C9orf72: variants seen among roughly 807,000 people sequenced by gnomAD.
C9orf72 encodes the protein C9orf72-SMCR8 complex subunit, also known as guanine nucleotide exchange factor C9orf72.
A neutral mutation model predicts 51.6 loss-of-function variants in C9orf72; 44 were observed. The ratio of observed to expected loss-of-function variants is 0.85; its 90% confidence interval spans 0.67 to 1.10. C9orf72 has a LOEUF of 1.10. C9orf72 is among the 50% of genes least tolerant of loss of function. C9orf72 has a pLI of 0.00. For synonymous variants in C9orf72, 213 were observed against 194.2 expected (o/e 1.10, Z -0.81); for missense variants, 607 against 570.6 (o/e 1.06, Z -0.65).
chr9:27,558,850 T>C (rs1414855141), intron 6 of C9orf72: 1 of 361,828 alleles, frequency 2.8e-6, no homozygotes, highest in Non-Finnish European at 5.0e-6. Flanking sequence ...CCTTTAACAT[T>C]TGGCTACATA....
intron 8 of C9orf72, among the ~76,000 whole-genome samples, chr9:27,553,438 T>C (rs1015567080): frequency 1.8e-4 from 28 of 151,950 alleles, no homozygotes; most frequent in African/African-American, 6.5e-4. Flanking sequence ...TTCAACAAAG[T>C]TGACAAAAAA....
intron 3 of C9orf72, 94 bp downstream of exon 3, chr9:27,565,437 C>T (rs1048622805): frequency 6.9e-6 from 5 of 729,470 alleles, no homozygotes; most frequent in East Asian, 2.6e-5. Flanking sequence ...AAGGCTTATT[C>T]GTATGTCTCC....
At chr9:27,571,722 C>T (rs1819590202) in intron 1 of C9orf72, among the ~76,000 whole-genome samples, 1 of 152,204 alleles carries the variant, frequency 6.6e-6, no homozygotes, top group Non-Finnish European at 1.5e-5. Context: ...AAAGCTCTGG[C>T]ATTACAGGTG....
At chr9:27,563,518 T>G (rs1819398754) in intron 3 of C9orf72, among the ~76,000 whole-genome samples, 1 of 152,360 alleles carries the variant, frequency 6.6e-6, no homozygotes, top group East Asian at 1.9e-4. Flanking sequence ...AAGATGAATT[T>G]AATACTAGTT....
chr9:27,565,167 C>T (rs1036187315), intron 3 of C9orf72, among the ~76,000 whole-genome samples: 18 of 152,090 alleles, frequency 1.2e-4, no homozygotes, highest in Admixed American at 3.9e-4. Flanking sequence ...GGTACATATG[C>T]TCTCCTTCTG....
rs1486327319 is a variant in C9orf72, at chr9:27,546,702, A to AT, written c.*1533dup. 2.0e-5 allele frequency: 3 copies of AT among 152,240 alleles called. No individual in the cohort carries two copies. The highest frequency in any genetic ancestry group is 4.4e-5 in the Non-Finnish European group (3 of 68,030). 9.4% of individuals were successfully genotyped at this position (152,240 alleles called of 1,614,324 possible). Reference sequence around the variant, plus strand: ...AAGAAAATAACCAGTTAGCACTTAAATAAGAATCTACCATGTAAAAAACAC... The same window carrying AT: ...AAGAAAATAACCAGTTAGCACTTAAATTAAGAATCTACCATGTAAAAAACAC... On this transcript the variant is annotated 3_prime_UTR_variant, in exon 11 of 11. Coordinates refer to ENST00000380003, the MANE Select transcript of C9orf72 (RefSeq NM_018325.5).
At chr9:27,573,711 C>T (rs886063846), upstream of C9orf72, 2 of 152,340 alleles carry the variant, frequency 1.3e-5, no homozygotes, top group African/African-American at 4.8e-5. Flanking sequence ...ACACACACCT[C>T]CTAAACCCAC....
intron 8 of C9orf72, 30 bp downstream of exon 8, chr9:27,556,531 T>C: frequency 1.4e-6 from 2 of 1,414,898 alleles, no homozygotes; most frequent in Non-Finnish European, 2.0e-6. Context: ...ATTGCTTGAC[T>C]ACAGTACCAG....
chr9:27,566,153 T>C (rs1490215615), intron 2 of C9orf72, among the ~76,000 whole-genome samples: 1 of 152,160 alleles, frequency 6.6e-6, no homozygotes, highest in Admixed American at 6.6e-5. Context: ...GCATTATATA[T>C]TCAACTACAG....
At chr9:27,557,564 CT>C (rs563497549) in intron 7 of C9orf72, among the ~76,000 whole-genome samples, 78 of 152,164 alleles carry the variant, frequency 5.1e-4, no homozygotes, top group African/African-American at 1.7e-3. Context: ...CTCTAGGCAT[CT>C]GGTATAGGTC....
In C9orf72 at chr9:27,558,518, T is replaced by C; in HGVS notation, c.828A>G (p.Ser276=). The C allele has an allele frequency of 1.2e-6, 2 of 1,603,014 alleles. No homozygotes were observed. Among genetic ancestry groups the C allele is most frequent in the African/African-American group, 1.3e-5 (1 of 74,688 alleles). The part of the protein sequence containing the change: ...CEAESSFKYE[S]GLFVQGLLKD... ...TTAGCAGGCCTTGTACAAAGAGCCC[T>C]GACTCATATTTAAATGATGATTCTG... Residue 276 remains serine, a synonymous_variant, in exon 7 of 11, where the codon TCA becomes TCG. Coordinates refer to ENST00000380003, the MANE Select transcript of C9orf72 (RefSeq NM_018325.5).
intron 5 of C9orf72, chr9:27,560,546 G>T: frequency 1.5e-6 from 1 of 678,312 alleles, no homozygotes; most frequent in Admixed American, 5.0e-5. Context: ...TTTAATTAAT[G>T]TATTTATTTA....
intron 1 of C9orf72, among the ~76,000 whole-genome samples, chr9:27,570,307 A>C (rs2131548717): frequency 6.6e-6 from 1 of 152,360 alleles, no homozygotes; most frequent in African/African-American, 2.4e-5. Flanking sequence ...ACTGGAGGCC[A>C]ACATAATGAA....
intron 6 of C9orf72, chr9:27,559,781 T>A (rs561268995): frequency 6.6e-6 from 1 of 152,396 alleles, no homozygotes; most frequent in African/African-American, 2.4e-5. Context: ...AGTATAATAA[T>A]CAATGACCAC....
intron 6 of C9orf72, chr9:27,559,616 C>T (rs1391166179): frequency 2.0e-5 from 3 of 152,082 alleles, no homozygotes; most frequent in Non-Finnish European, 2.9e-5. Flanking sequence ...GAAAGATACA[C>T]ATACTTATCT....
chr9:27,562,472 T>G lies in C9orf72; in HGVS notation c.509A>C (p.Gln170Pro). The change falls in exon 4 of 11, where the codon CAG becomes CCG. Residue 170 changes from glutamine (Q) to proline (P), a missense_variant. Transcript: ENST00000380003. ...EGTERMEDQG[Q>P]SIIPMLTGEV... is the part of the protein sequence containing the mutation. Reference sequence around the variant, plus strand: ...TCCAGTAAGCATTGGAATAATACTCTGACCCTGCACAATAAAGTGACATGA... The same window carrying G: ...TCCAGTAAGCATTGGAATAATACTCGGACCCTGCACAATAAAGTGACATGA... 6.5e-7 allele frequency: 1 copy of G among 1,544,644 alleles called. No individual in the cohort carries two copies. The highest frequency in any genetic ancestry group is 8.8e-7 in the Non-Finnish European group (1 of 1,136,948).
intron 6 of C9orf72, 22 bp downstream of exon 6, chr9:27,560,205 G>A (rs1587311230): frequency 6.7e-7 from 1 of 1,492,064 alleles, no homozygotes; most frequent in Non-Finnish European, 9.2e-7. Context: ...CAAATCATTT[G>A]CTAGATTATA....
At chr9:27,552,881 G>A (rs991485454) in intron 8 of C9orf72, among the ~76,000 whole-genome samples, 2 of 152,206 alleles carry the variant, frequency 1.3e-5, no homozygotes, top group South Asian at 4.2e-4. Flanking sequence ...GTATTTTGTT[G>A]AGGATTTTTG....
At chr9:27,571,947 C>A (rs1330968114) in intron 1 of C9orf72, among the ~76,000 whole-genome samples, 1 of 152,176 alleles carries the variant, frequency 6.6e-6, no homozygotes, top group African/African-American at 2.4e-5. Context: ...AAGTTCATAT[C>A]ACTATCTGGC....
Sources: allele counts gnomAD v4.1 joint callset (sites outside exome capture counted in the v4.1 genomes callset), GRCh38; gene constraint gnomAD v4.1.1; transcripts MANE v1.5; gene names NCBI Gene and HGNC (gene_info 2026-07-23, HGNC 2026-07-21).